The following FUCA1 variants were observed in gnomAD, a reference collection of about 807,000 sequenced individuals.
The protein encoded by FUCA1 is tissue alpha-L-fucosidase.
Under a neutral mutation model 56.8 loss-of-function variants are expected in FUCA1, and 52 were observed. That is an observed-to-expected ratio of 0.92 (90% CI 0.73 to 1.15). The LOEUF is 1.15. Among genes scored for constraint, FUCA1 ranks in the 50% most tolerant of loss-of-function variants. FUCA1 has a pLI of 0.00. For missense variants in FUCA1, 568 were observed against 592.6 expected, an observed-to-expected ratio of 0.96 and a Z score of 0.43; for synonymous variants, 230 against 226.6, an observed-to-expected ratio of 1.02 and a Z score of -0.14.
At chr1:23,852,045 AT>A (rs1337181314) in intron 5 of FUCA1, among the ~76,000 whole-genome samples, 1 of 150,610 alleles carries the variant, frequency 6.6e-6, no homozygotes, top group African/African-American at 2.4e-5. Flanking sequence ...GAGGAAAAAA[AT>A]AATTAAAATC....
rs530854024 is a variant in FUCA1 at position 23,868,253 on chromosome 1, C to A, written c.34G>T (p.Gly12Cys). Residue 12 changes from glycine (G) to cysteine (C), a missense_variant, in exon 1 of 8, where the codon GGT (glycine) becomes TGT (cysteine). Gly to Cys is a radical substitution (Grantham distance 159). Coordinates refer to ENST00000374479, the MANE Select transcript of FUCA1 (RefSeq NM_000147.5). ...RAPGMRSRPA[G>C]PALLLLLLFL... ...AGCAGCAGCAGCAACAGCGCGGGAC[C>A]CGCCGGCCGCGACCTCATCCCCGGA... The A allele has an allele frequency of 6.4e-5, 100 of 1,558,782 alleles. No individual in the cohort carries two copies. In the Middle Eastern group the frequency reaches 2.3e-3, roughly 36 times the overall value.
chr1:23,853,308 G>A lies in FUCA1; in HGVS notation c.969+1052C>T, dbSNP rs559295251. ...CCACCCCGTCTGGTAAGTGAGGAGC[G>A]TCTCTGCCCGGCAGCCACCCCATCC... On this transcript the variant is annotated intron_variant, in intron 5 of 7. Transcript: ENST00000374479. 4.6e-5 allele frequency among the ~76,000 whole-genome samples: 7 copies of A among 151,750 alleles called. No individual in the cohort carries two copies. In the East Asian group the frequency reaches 5.8e-4, roughly 13 times the overall value.
intron 5 of FUCA1, among the ~76,000 whole-genome samples, chr1:23,851,067 CT>C (rs1045535105): frequency 2.0e-5 from 3 of 152,130 alleles, no homozygotes; most frequent in Non-Finnish European, 4.4e-5. Flanking sequence ...GTATGAGCCA[CT>C]GTGCCCAGCC....
chr1:23,854,648 C>G, intron 4 of FUCA1, 88 bp from the exon 5 acceptor site: 1 of 1,136,328 alleles, frequency 8.8e-7, no homozygotes. Flanking sequence ...TATTTGGAAG[C>G]AAGAAACTTA....
intron 1 of FUCA1, among the ~76,000 whole-genome samples, chr1:23,866,629 C>G (rs1473850255): frequency 2.0e-5 from 3 of 152,156 alleles, no homozygotes; most frequent in East Asian, 3.9e-4. Context: ...ATTTTACAAC[C>G]CTTTAAAAAT....
chr1:23,848,861 A>C (rs1236594351), intron 5 of FUCA1, 22 bp from the exon 6 acceptor site: 1 of 1,606,130 alleles, frequency 6.2e-7, no homozygotes, highest in Admixed American at 1.7e-5. Context: ...AGAAACAATG[A>C]AAGTCTAGCT....
intron 5 of FUCA1, among the ~76,000 whole-genome samples, chr1:23,853,125 G>A (rs980328167): frequency 8.3e-5 from 12 of 143,894 alleles, no homozygotes; most frequent in Admixed American, 1.4e-4. Context: ...CCTCTGCCCC[G>A]CCGCCCCGTC....
intron 4 of FUCA1, among the ~76,000 whole-genome samples, chr1:23,858,431 T>C (rs578051683): frequency 4.7e-4 from 71 of 152,184 alleles, no homozygotes; most frequent in Non-Finnish European, 9.0e-4. Flanking sequence ...CACTTAAGAT[T>C]TTCCTTTTAA....
Position 23,867,742 on chromosome 1 carries a change from T to C in FUCA1, c.389+156A>G. On this transcript the variant is annotated intron_variant, in intron 1 of 7. Transcript: ENST00000374479. This position sits in a 1 kb window ranked among gnomAD's most constrained non-coding sequence, Gnocchi z 4.9. ...AACGCACCTCCTCCTCCTCATCAGG[T>C]GTGCCAGGCTCACTCCTGTGGCCGC... 1.0e-6 allele frequency: 1 copy of C among 985,228 alleles called. No homozygotes were observed. Among genetic ancestry groups the C allele is most frequent in the Non-Finnish European group, 1.2e-6 (1 of 829,840 alleles). The allele number at this position is 985,228 out of a possible 1,614,324, so 61.0% of individuals were successfully genotyped here. A position where few individuals can be genotyped will look rare whatever the true frequency, so the allele number is the denominator to read the frequency against.
intron 1 of FUCA1, among the ~76,000 whole-genome samples, chr1:23,866,995 A>G (rs1389240341): frequency 6.6e-6 from 1 of 152,196 alleles, no homozygotes; most frequent in East Asian, 1.9e-4. Flanking sequence ...AAAGTTCAAG[A>G]GAAACGAAAA....
In FUCA1 at chr1:23,845,839, A is replaced by T; in HGVS notation, c.1277T>A (p.Ile426Asn). ...TGTGGACCACTTCAGATCTCCTTGA[A>T]TTCCCAGCATTGTTATCTGCAGAAA... is the stretch of plus-strand genomic sequence containing the variant. ...TSTTKITMLG[I>N]QGDLKWSTDP... Residue 426 changes from isoleucine to asparagine, a missense_variant, in exon 8 of 8, where the codon ATT becomes AAT. Physicochemically the swap from Ile to Asn is moderately radical, Grantham distance 149. Transcript: ENST00000374479. The T allele has an allele frequency of 6.2e-7, 1 of 1,614,176 alleles. No homozygotes were observed. The highest frequency in any genetic ancestry group is 1.1e-5 in the South Asian group (1 of 91,088).
At chr1:23,854,170 C>A (rs562264508) in intron 5 of FUCA1, among the ~76,000 whole-genome samples, 190 bp downstream of exon 5, 2 of 152,030 alleles carry the variant, frequency 1.3e-5, no homozygotes, top group South Asian at 4.2e-4. Context: ...CTTTTGCATG[C>A]CCTTCTCCAT....
chr1:23,863,497 ATATCT>A (rs1639554666), intron 2 of FUCA1, among the ~76,000 whole-genome samples: 1 of 152,198 alleles, frequency 6.6e-6, no homozygotes, highest in Non-Finnish European at 1.5e-5. Flanking sequence ...TTATACATAA[ATATCT>A]TAACACCAAA....
intron 1 of FUCA1, 24 bp from the exon 2 acceptor site, chr1:23,865,649 G>A: frequency 1.2e-6 from 2 of 1,614,214 alleles, no homozygotes; most frequent in South Asian, 2.2e-5. Context: ...AACCACATGA[G>A]CAAAGGAAGT....
At chr1:23,857,041 G>T (rs911777711) in intron 4 of FUCA1, among the ~76,000 whole-genome samples, 2 of 151,588 alleles carry the variant, frequency 1.3e-5, no homozygotes, top group Non-Finnish European at 2.9e-5. Context: ...AGGCTGTCTA[G>T]CTAGTCATGC....
At chr1:23,847,768 T>A (rs1191915793) in intron 6 of FUCA1, among the ~76,000 whole-genome samples, 2 of 152,198 alleles carry the variant, frequency 1.3e-5, no homozygotes, top group Non-Finnish European at 2.9e-5. Flanking sequence ...ATGCCTGTAA[T>A]CCCAGCACTT....
intron 2 of FUCA1, among the ~76,000 whole-genome samples, chr1:23,864,063 C>T (rs1486511101): frequency 6.7e-6 from 1 of 149,606 alleles, no homozygotes; most frequent in Non-Finnish European, 1.5e-5. Flanking sequence ...CTAAGATTTA[C>T]TAATAGTTCT....
chr1:23,861,304 C>T lies in FUCA1; in HGVS notation c.663-1401G>A, dbSNP rs562442318. Reference sequence around the variant, plus strand: ...CGCCACTGTACTCCAGCCTGGGCGACGGAGCGAGACTCCGTCTCAAAAAAA... The same window carrying T: ...CGCCACTGTACTCCAGCCTGGGCGATGGAGCGAGACTCCGTCTCAAAAAAA... On this transcript the variant is annotated intron_variant, in intron 3 of 7. Coordinates refer to ENST00000374479, the MANE Select transcript of FUCA1 (RefSeq NM_000147.5). 2.2e-4 allele frequency among the ~76,000 whole-genome samples: 25 copies of T among 113,464 alleles called. No individual in the cohort carries two copies. The East Asian group carries it at 6.2e-3, about 28-fold the overall frequency. The allele number at this position is 113,464 out of a possible 152,430, so 74.4% of individuals were successfully genotyped here.
rs868367747 is a variant in FUCA1, at chr1:23,845,596, T to C, written c.*119A>G. The C allele has an allele frequency of 8.2e-7, 1 of 1,224,242 alleles. No individual in the cohort carries two copies. Among genetic ancestry groups the C allele is most frequent in the Middle Eastern group, 1.9e-4 (1 of 5,314 alleles). 75.8% of individuals were successfully genotyped at this position (1,224,242 alleles called of 1,614,324 possible). A position where few individuals can be genotyped will look rare whatever the true frequency, so the allele number is the denominator to read the frequency against. ...CTCAGTTCCTTTAATTAAAATGTGT[T>C]GGAAAAGCCATCTCTGGGTGGAGAA... On this transcript the variant is annotated 3_prime_UTR_variant, in exon 8 of 8. Coordinates refer to ENST00000374479, the MANE Select transcript of FUCA1 (RefSeq NM_000147.5).
Sources: allele counts gnomAD v4.1 joint callset (sites outside exome capture counted in the v4.1 genomes callset), GRCh38; gene constraint gnomAD v4.1.1; non-coding constraint Gnocchi (gnomAD v3.1); transcripts MANE v1.5; gene names NCBI Gene and HGNC (gene_info 2026-07-23, HGNC 2026-07-21).